Variants in HUWE1 observed in about 807,000 individuals in gnomAD.
The protein encoded by HUWE1 is E3 ubiquitin-protein ligase HUWE1.
In HUWE1, 18 loss-of-function variants were observed where a neutral mutation model predicts 299.4. The observed-to-expected ratio is 0.06, with a 90% CI of 0.04 to 0.09. HUWE1 has a LOEUF of 0.09. HUWE1 is among the 10% of genes least tolerant of loss of function. The probability of loss-of-function intolerance (pLI) is 1.00; values close to 1 mark genes in which losing one functional copy is unlikely to be tolerated. For missense variants in HUWE1, 1,832 were observed against 3,462.3 expected (o/e 0.53, Z 11.82); for synonymous variants, 1,317 against 1,286.1 (o/e 1.02, Z -0.51).
At position 53,561,202 on chromosome X, in the gene HUWE1, G is replaced by GA. The variant is rs782351785; in HGVS notation, c.7507+553dup. On this transcript the variant is annotated intron_variant, in intron 55 of 83. Coordinates refer to ENST00000262854, the MANE Select transcript of HUWE1 (RefSeq NM_031407.7). ...TCATGCTTGTGATTTAAGTTGTCAA[G>GA]ACCTGCCCTATCAAGACAGCTTGAT... is the stretch of plus-strand genomic sequence containing the variant. Among the ~76,000 whole-genome samples the GA allele has an allele frequency of 6.4e-3, 720 of 112,020 alleles. 8 individuals are homozygous for GA. The highest frequency in any genetic ancestry group is 9.0e-3 in the Non-Finnish European group (476 of 53,181).
chrX:53,631,275 C>T (rs905503054), intron 11 of HUWE1, 139 bp downstream of exon 11: 17 of 527,997 alleles, frequency 3.2e-5, no homozygotes, highest in Admixed American at 1.3e-4. Flanking sequence ...AACTAAGGCT[C>T]AGAGAAGCTA....
At chrX:53,675,253 G>A (rs367784619) in intron 3 of HUWE1, among the ~76,000 whole-genome samples, 5 of 111,318 alleles carry the variant, frequency 4.5e-5, no homozygotes, top group African/African-American at 1.6e-4. Flanking sequence ...AGGTGTACAG[G>A]CCCATCTAAA....
intron 80 of HUWE1, 196 bp downstream of exon 80, chrX:53,535,951 G>C (rs2061037058): frequency 1.1e-5 from 3 of 269,130 alleles, no homozygotes; most frequent in South Asian, 1.1e-4. Flanking sequence ...TTTAATAAAG[G>C]TGAAACTAGG....
At position 53,632,488 on chromosome X, in the gene HUWE1, C is replaced by G; in HGVS notation, c.644G>C (p.Arg215Thr). ...AGAACAAATCTGAATCAGACTCACC[C>G]TTTTCTCAATTTTGACCTCGGCCCC... ...DPGAEVKIEK[R>T]TTSNTLHYIH... is the part of the protein sequence containing the mutation. Residue 215 changes from arginine to threonine, a missense_variant and splice_region_variant, in exon 9 of 84, where the codon AGG becomes ACG. By Grantham distance (71) the Arg-to-Thr change is moderately conservative (BLOSUM62 -1). This residue lies in a region of HUWE1 where 658 missense variants were observed against 1,282.6 expected (regional missense o/e 0.51). Coordinates refer to ENST00000262854, the MANE Select transcript of HUWE1 (RefSeq NM_031407.7). 1 of 1,191,081 alleles carries G rather than the reference C, an allele frequency of 8.4e-7. No individual in the cohort carries two copies. Among genetic ancestry groups the G allele is most frequent in the Non-Finnish European group, 1.1e-6 (1 of 876,538 alleles).
chrX:53,655,197 T>C (rs1267948726), intron 3 of HUWE1, among the ~76,000 whole-genome samples: 1 of 111,047 alleles, frequency 9.0e-6, no homozygotes, highest in Admixed American at 9.5e-5. Context: ...CTATTAACAA[T>C]GTATTTAACT....
chrX:53,535,852 T>C, intron 80 of HUWE1: 1 of 371,410 alleles, frequency 2.7e-6, no homozygotes. Context: ...GCCTTCATTT[T>C]CCCCCCACTT....
chrX:53,538,475 AG>A, intron 76 of HUWE1, 21 bp from the exon 77 acceptor site: 5 of 1,059,580 alleles, frequency 4.7e-6, no homozygotes, highest in Non-Finnish European at 6.6e-6. Flanking sequence ...AAGTGACAGC[AG>A]GAATTAAGCA....
At position 53,548,247 on chromosome X, in the gene HUWE1, C is replaced by T. The variant is rs781863451; in HGVS notation, c.10062G>A (p.Gln3354=). ...TCTCACAGTTTGTTTCTTTGGTCCG[C>T]TGCTGTGTGAAGTGGCTGGGAAATA... The part of the protein sequence containing the change: ...AKVFPSHFTQ[Q]RTKETNCESD... Residue 3354 remains glutamine (Q), a synonymous_variant, in exon 68 of 84, where the codon CAG becomes CAA. Transcript: ENST00000262854. 8.3e-7 allele frequency: 1 copy of T among 1,210,409 alleles called. No individual in the cohort carries two copies.
chrX:53,587,280 T>C (rs782471956), intron 37 of HUWE1, among the ~76,000 whole-genome samples: 2 of 112,303 alleles, frequency 1.8e-5, no homozygotes, highest in African/African-American at 6.5e-5. Flanking sequence ...TACAGAGAAA[T>C]TTTATAATCT....
intron 19 of HUWE1, among the ~76,000 whole-genome samples, chrX:53,623,133 C>A (rs782473393): frequency 1.8e-5 from 2 of 111,281 alleles, no homozygotes; most frequent in Non-Finnish European, 3.8e-5. Context: ...CCTCATAGGG[C>A]TCACCTGCTC....
At chrX:53,643,231 T>C (rs1360796823) in intron 7 of HUWE1, among the ~76,000 whole-genome samples, 2 of 112,321 alleles carry the variant, frequency 1.8e-5, no homozygotes, top group African/African-American at 3.2e-5. Context: ...TTCCCCACCA[T>C]TGTTATTACA....
intron 3 of HUWE1, among the ~76,000 whole-genome samples, chrX:53,678,219 A>G (rs1186798070): frequency 8.9e-6 from 1 of 112,329 alleles, no homozygotes; most frequent in Non-Finnish European, 1.9e-5. Flanking sequence ...GCTCAGGTTA[A>G]CAGCCCAAAC....
intron 43 of HUWE1, among the ~76,000 whole-genome samples, chrX:53,578,788 C>T (rs1458805251): frequency 2.4e-4 from 19 of 78,190 alleles, no homozygotes; most frequent in African/African-American, 8.5e-4. Context: ...CCAGCCGCCC[C>T]GTCTGGGAGG....
intron 60 of HUWE1, 104 bp from the exon 61 acceptor site, chrX:53,555,024 A>C: frequency 1.7e-6 from 1 of 585,839 alleles, no homozygotes; most frequent in East Asian, 3.5e-5. Flanking sequence ...CCACCCAGCC[A>C]GTGATCATCC....
At chrX:53,650,280 T>C (rs782212181) in intron 4 of HUWE1, among the ~76,000 whole-genome samples, 1 of 112,344 alleles carries the variant, frequency 8.9e-6, no homozygotes, top group South Asian at 3.7e-4. Flanking sequence ...TTCTTCACAG[T>C]GTGTGGTACA....
chrX:53,600,044 C>T, intron 29 of HUWE1, 74 bp downstream of exon 29: 1 of 962,349 alleles, frequency 1.0e-6, no homozygotes, highest in Non-Finnish European at 1.5e-6. Flanking sequence ...AACAACATAG[C>T]CTTTCCAACT....
At chrX:53,535,007 G>C (rs2060950027) in intron 81 of HUWE1, among the ~76,000 whole-genome samples, 1 of 109,133 alleles carries the variant, frequency 9.2e-6, no homozygotes, top group East Asian at 2.9e-4. Flanking sequence ...TGCGATCTCA[G>C]CTCACTGCAA....
At chrX:53,590,143 G>A (rs185672622) in intron 35 of HUWE1, among the ~76,000 whole-genome samples, 43 of 112,243 alleles carry the variant, frequency 3.8e-4, no homozygotes, top group Admixed American at 3.5e-3. Context: ...ATACAGCCAA[G>A]TTCGGCCTAA....
intron 4 of HUWE1, among the ~76,000 whole-genome samples, chrX:53,651,283 ACCT>A (rs1313922604): frequency 9.1e-6 from 1 of 110,488 alleles, no homozygotes; most frequent in Non-Finnish European, 1.9e-5. Context: ...CATATCCATC[ACCT>A]CCAAGTTTCC....
Sources: allele counts gnomAD v4.1 joint callset (sites outside exome capture counted in the v4.1 genomes callset), GRCh38; gene constraint gnomAD v4.1.1; regional missense constraint gnomAD v4.1.1; transcripts MANE v1.5; gene names NCBI Gene and HGNC (gene_info 2026-07-23, HGNC 2026-07-21).